Variants in VAV3 observed in about 807,000 individuals in gnomAD.
VAV3 encodes the protein vav guanine nucleotide exchange factor 3.
A neutral mutation model predicts 131.2 loss-of-function variants in VAV3; 94 were observed. The observed-to-expected ratio is 0.72, with a 90% CI of 0.61 to 0.85. The LOEUF is 0.85. VAV3 is among the 40% of genes least tolerant of loss of function. VAV3 has a pLI of 0.00. For synonymous variants in VAV3, 349 were observed against 342.0 expected, an observed-to-expected ratio of 1.02 and a Z score of -0.22; for missense variants, 939 against 1,002.7, an observed-to-expected ratio of 0.94 and a Z score of 0.86.
intron 1 of VAV3, among the ~76,000 whole-genome samples, chr1:107,879,106 C>T (rs1014509334): frequency 1.3e-5 from 2 of 152,164 alleles, no homozygotes; most frequent in South Asian, 4.1e-4. Context: ...TTCCTTTCAA[C>T]ATAATTAATA....
At chr1:107,631,917 G>A (rs1056236158) in intron 20 of VAV3, among the ~76,000 whole-genome samples, 11 of 151,924 alleles carry the variant, frequency 7.2e-5, no homozygotes, top group Admixed American at 3.9e-4. Context: ...TTGCTATTGT[G>A]AATAATGCCG....
At chr1:107,762,052 C>T (rs768927038) in intron 9 of VAV3, among the ~76,000 whole-genome samples, 1 of 147,328 alleles carries the variant, frequency 6.8e-6, no homozygotes, top group African/African-American at 2.5e-5. Flanking sequence ...CAACTGTTGG[C>T]GGTGTGACCT....
intron 11 of VAV3, among the ~76,000 whole-genome samples, chr1:107,756,568 C>G (rs1664109806): frequency 2.0e-5 from 3 of 152,034 alleles, no homozygotes; most frequent in Admixed American, 2.0e-4. Flanking sequence ...GTCACCTTGC[C>G]ATTTTGTTTT....
At chr1:107,849,585 AAAGACTTAAACAT>A (rs1265974576) in intron 2 of VAV3, among the ~76,000 whole-genome samples, 1 of 152,152 alleles carries the variant, frequency 6.6e-6, no homozygotes, top group Non-Finnish European at 1.5e-5. Flanking sequence ...AAGATGGATT[AAAGACTTAAACAT>A]AAGACCTAAA....
intron 1 of VAV3, among the ~76,000 whole-genome samples, chr1:107,924,010 C>T (rs928386657): frequency 1.3e-5 from 2 of 152,124 alleles, no homozygotes; most frequent in Admixed American, 6.5e-5. Context: ...CCCCAGCCTA[C>T]AGTATTTTGT....
chr1:107,798,229 AC>A (rs1184309783), intron 2 of VAV3, among the ~76,000 whole-genome samples: 1 of 152,204 alleles, frequency 6.6e-6, no homozygotes, highest in East Asian at 1.9e-4. Context: ...TCTAATTTCA[AC>A]ATCCAAAAGC....
At chr1:107,582,574 C>T (rs1427393512) in intron 25 of VAV3, among the ~76,000 whole-genome samples, 1 of 129,312 alleles carries the variant, frequency 7.7e-6, no homozygotes, top group African/African-American at 2.9e-5. Flanking sequence ...CCCCCCACCC[C>T]ACAACAGTCC....
intron 2 of VAV3, among the ~76,000 whole-genome samples, chr1:107,846,352 T>C (rs975095469): frequency 1.7e-4 from 26 of 152,006 alleles, no homozygotes; most frequent in African/African-American, 6.0e-4. Flanking sequence ...ACATACCAAA[T>C]TGTAAAGACC....
At chr1:107,649,182 A>C (rs547333424) in intron 19 of VAV3, among the ~76,000 whole-genome samples, 1 of 152,062 alleles carries the variant, frequency 6.6e-6, no homozygotes, top group African/African-American at 2.4e-5. Context: ...TTCTTTCTAC[A>C]TAAGGTTATT....
chr1:107,766,836 G>C (rs1200582267), intron 7 of VAV3, among the ~76,000 whole-genome samples: 4 of 151,962 alleles, frequency 2.6e-5, no homozygotes, highest in African/African-American at 9.7e-5. Context: ...CAGAGGAGAG[G>C]GAGGAGAAGA....
chr1:107,751,211 T>G lies in VAV3; in HGVS notation c.1174-9A>C, dbSNP rs765976132. The G allele has an allele frequency of 1.2e-6, 2 of 1,603,898 alleles. No homozygotes were observed. Among genetic ancestry groups the G allele is most frequent in the South Asian group, 2.2e-5 (2 of 89,156 alleles). Reference sequence around the variant, plus strand: ...AGCAAAACTGGTTGGTTCTAAAATATAAAATGCACATGTCAGAGTTTTTCA... The same window carrying G: ...AGCAAAACTGGTTGGTTCTAAAATAGAAAATGCACATGTCAGAGTTTTTCA... On this transcript the variant is annotated splice_polypyrimidine_tract_variant and intron_variant, in intron 12 of 26. Transcript: ENST00000370056.
chr1:107,597,342 C>A (rs1331905770), intron 24 of VAV3, among the ~76,000 whole-genome samples: 3 of 151,616 alleles, frequency 2.0e-5, no homozygotes, highest in African/African-American at 4.8e-5. Flanking sequence ...ATCAATGAGT[C>A]CAAAAATCAG....
chr1:107,700,192 G>C (rs574149274), intron 17 of VAV3, among the ~76,000 whole-genome samples: 2 of 152,344 alleles, frequency 1.3e-5, no homozygotes, highest in East Asian at 3.9e-4. Context: ...AAAAGCCAAA[G>C]TGATTGAACA....
chr1:107,895,123 A>T (rs966222477), intron 1 of VAV3, among the ~76,000 whole-genome samples: 3 of 149,364 alleles, frequency 2.0e-5, no homozygotes, highest in Non-Finnish European at 3.0e-5. Context: ...GACGAAGAGG[A>T]AAAAAAAAAG....
At chr1:107,904,112 C>G (rs1571119455) in intron 1 of VAV3, among the ~76,000 whole-genome samples, 1 of 152,148 alleles carries the variant, frequency 6.6e-6, no homozygotes. Context: ...ACATCAGTTC[C>G]CAAAAGAGCT....
At chr1:107,638,680 G>A (rs1050813221) in intron 20 of VAV3, among the ~76,000 whole-genome samples, 41 of 152,060 alleles carry the variant, frequency 2.7e-4, no homozygotes, top group African/African-American at 6.0e-4. Flanking sequence ...CAAGGTGATC[G>A]CAAAATTCAT....
intron 19 of VAV3, among the ~76,000 whole-genome samples, chr1:107,656,505 T>C (rs1656569429): frequency 6.6e-6 from 1 of 152,218 alleles, no homozygotes; most frequent in Non-Finnish European, 1.5e-5. Flanking sequence ...GGTACAAATA[T>C]ATACTTAGCA....
chr1:107,889,132 AGTGTGTGTGTGTGTGTGTGTGTGTGT>A (rs5776903), intron 1 of VAV3, among the ~76,000 whole-genome samples: 6 of 142,038 alleles, frequency 4.2e-5, no homozygotes, highest in African/African-American at 1.6e-4. Context: ...TCCTGTGTAG[AGTGTGTGTGTGTGTGTGTGTGTGTGT>A]GTGTGTGTGT....
At chr1:107,771,245 C>G in intron 5 of VAV3, among the ~76,000 whole-genome samples, 1 of 143,216 alleles carries the variant, frequency 7.0e-6, no homozygotes, top group African/African-American at 2.6e-5. Flanking sequence ...CACCAGTTTT[C>G]TTGTCAGCTT....
Sources: allele counts gnomAD v4.1 joint callset (sites outside exome capture counted in the v4.1 genomes callset), GRCh38; gene constraint gnomAD v4.1.1; transcripts MANE v1.5; gene names NCBI Gene and HGNC (gene_info 2026-07-23, HGNC 2026-07-21).